The following UBE3B variants were observed in gnomAD, a reference collection of about 807,000 sequenced individuals.
The protein encoded by UBE3B is ubiquitin protein ligase E3B, also known as ubiquitin-protein ligase E3B.
UBE3B carries 80 observed loss-of-function variants against 132.3 expected under a neutral mutation model. The ratio of observed to expected loss-of-function variants is 0.60; its 90% CI spans 0.50 to 0.73. UBE3B has a LOEUF of 0.73. Ranked by LOEUF, UBE3B falls within the 30% of genes least tolerant of loss-of-function variation. UBE3B has a pLI of 0.00. For synonymous variants in UBE3B, 487 were observed against 520.4 expected (o/e 0.94, Z 0.87); for missense variants, 1,196 against 1,362.5 (o/e 0.88, Z 1.92).
chr12:109,490,089 T>C, intron 8 of UBE3B, 85 bp downstream of exon 8: 1 of 1,331,970 alleles, frequency 7.5e-7, no homozygotes, highest in Non-Finnish European at 1.1e-6. Context: ...TCAGCATACC[T>C]GGTGTCCTCC....
At chr12:109,514,966 T>C (rs1880829243) in intron 18 of UBE3B, among the ~76,000 whole-genome samples, 1 of 151,162 alleles carries the variant, frequency 6.6e-6, no homozygotes, top group Non-Finnish European at 1.5e-5. Flanking sequence ...CAGGCTGGAG[T>C]GCAGTGGCGC....
In UBE3B at chr12:109,489,922, A is replaced by G; in HGVS notation, c.548A>G (p.Glu183Gly). The G allele has an allele frequency of 6.2e-7, 1 of 1,614,120 alleles. No homozygotes were observed. ...TCTCACTGTTTTCTTTCTTTAGGTG[A>G]AAGTCTTCGACCAGCGATGAACCAC... ...STWKILRGKG[E>G]SLRPAMNHIC... Residue 183 changes from glutamate (E) to glycine (G), a missense_variant, in exon 8 of 28, where the codon GAA becomes GGA. Coordinates refer to ENST00000342494, the MANE Select transcript of UBE3B (RefSeq NM_130466.4).
At chr12:109,516,992 T>C in intron 19 of UBE3B, 108 bp downstream of exon 19, 3 of 1,463,216 alleles carry the variant, frequency 2.1e-6, no homozygotes, top group Non-Finnish European at 2.7e-6. Context: ...TACTCCTTGA[T>C]CTGAAATTAA....
At chr12:109,490,189 AG>A (rs1877215004) in intron 8 of UBE3B, 185 bp downstream of exon 8, 1 of 856,832 alleles carries the variant, frequency 1.2e-6, no homozygotes. Flanking sequence ...AGGTAAAGGG[AG>A]GACAGTGGTG....
At chr12:109,524,650 C>T (rs1882112264) in intron 23 of UBE3B, 147 bp downstream of exon 23, 1 of 857,526 alleles carries the variant, frequency 1.2e-6, no homozygotes, top group South Asian at 1.8e-5. Context: ...ATCCTCCTCC[C>T]CTCTTGCCAG....
intron 14 of UBE3B, among the ~76,000 whole-genome samples, chr12:109,506,775 T>C (rs1879744240): frequency 6.6e-6 from 1 of 152,232 alleles, no homozygotes; most frequent in East Asian, 1.9e-4. Context: ...AGTCCTTAAG[T>C]AAGGAACTGC....
At chr12:109,495,528 G>A (rs948394004) in intron 9 of UBE3B, among the ~76,000 whole-genome samples, 6 of 152,148 alleles carry the variant, frequency 3.9e-5, no homozygotes, top group Non-Finnish European at 8.8e-5. Context: ...CGGCACTAGA[G>A]GAATTAAAGA....
intron 21 of UBE3B, among the ~76,000 whole-genome samples, chr12:109,523,327 A>G (rs1231177709): frequency 2.0e-5 from 3 of 152,132 alleles, no homozygotes; most frequent in African/African-American, 7.2e-5. Flanking sequence ...CATTCCCCAC[A>G]TAAAAGTGCA....
chr12:109,503,328 T>TA (rs1879232664), intron 14 of UBE3B, 138 bp downstream of exon 14: 1 of 1,114,276 alleles, frequency 9.0e-7, no homozygotes, highest in Non-Finnish European at 1.3e-6. Flanking sequence ...CTGTTCCTCT[T>TA]AGAGATTAGT....
chr12:109,529,156 G>A (rs1488407903), intron 24 of UBE3B, among the ~76,000 whole-genome samples: 1 of 152,202 alleles, frequency 6.6e-6, no homozygotes, highest in African/African-American at 2.4e-5. Context: ...GTGAGACTCT[G>A]TCTCAAAACA....
intron 18 of UBE3B, among the ~76,000 whole-genome samples, chr12:109,513,110 C>T (rs1880578512): frequency 6.6e-6 from 1 of 152,210 alleles, no homozygotes; most frequent in South Asian, 2.1e-4. Flanking sequence ...CTCTCCACCT[C>T]GTCTTTGTTT....
chr12:109,528,212 A>C, intron 24 of UBE3B: 1 of 471,568 alleles, frequency 2.1e-6, no homozygotes, highest in Non-Finnish European at 2.8e-6. Flanking sequence ...TTTAGGGGTG[A>C]TACTTGATCT....
intron 7 of UBE3B, 122 bp downstream of exon 7, chr12:109,488,790 A>G: frequency 2.4e-6 from 2 of 823,248 alleles, no homozygotes; most frequent in South Asian, 3.0e-5. Flanking sequence ...GAGACCATAC[A>G]AATGAGGATG....
intron 4 of UBE3B, among the ~76,000 whole-genome samples, chr12:109,484,538 C>T (rs143400724): frequency 0.054 from 8,171 of 151,970 alleles, 305 homozygotes; most frequent in Non-Finnish European, 0.083. Flanking sequence ...ACTATAGGCT[C>T]GTGCCACCAC....
At chr12:109,543,601 G>C in the UBE3B span, among the ~76,000 whole-genome samples, 3 of 152,246 alleles carry the variant, frequency 2.0e-5, no homozygotes, top group Non-Finnish European at 4.4e-5. Flanking sequence ...CACTTTCGGA[G>C]GCAGATGGAT....
At chr12:109,513,522 T>C (rs1270318774) in intron 18 of UBE3B, among the ~76,000 whole-genome samples, 2 of 152,204 alleles carry the variant, frequency 1.3e-5, no homozygotes, top group Non-Finnish European at 2.9e-5. Context: ...ACATAAATAT[T>C]TGGGACCTAA....
At chr12:109,543,736 G>A in the UBE3B span, among the ~76,000 whole-genome samples, 1 of 152,184 alleles carries the variant, frequency 6.6e-6, no homozygotes, top group African/African-American at 2.4e-5. Flanking sequence ...TGGAGGCTGA[G>A]GCAGGAGAAT....
intron 9 of UBE3B, among the ~76,000 whole-genome samples, chr12:109,497,271 A>G (rs540460635): frequency 5.1e-4 from 77 of 151,950 alleles, no homozygotes; most frequent in African/African-American, 1.8e-3. Flanking sequence ...TTGTGTTTAT[A>G]TTTCGAAACA....
At chr12:109,487,280 G>A (rs1242979553) in intron 6 of UBE3B, among the ~76,000 whole-genome samples, 1 of 152,172 alleles carries the variant, frequency 6.6e-6, no homozygotes, top group Admixed American at 6.5e-5. Context: ...CCCCTTCAGT[G>A]TTCTGAAAAG....
Sources: gnomAD v4.1 joint callset for allele counts (sites outside exome capture counted in the v4.1 genomes callset) on GRCh38, gnomAD v4.1.1 for gene constraint, MANE v1.5 for transcripts, NCBI Gene and HGNC (gene_info 2026-07-23, HGNC 2026-07-21) for gene names.